The following TSHZ2 variants were observed in gnomAD, a reference collection of about 807,000 sequenced individuals.
TSHZ2 encodes the protein teashirt homolog 2.
TSHZ2 carries 21 observed loss-of-function variants against 74.4 expected under a neutral mutation model. The observed-to-expected ratio is 0.28, with a 90% CI of 0.20 to 0.41. The LOEUF (loss-of-function observed/expected upper bound fraction) is 0.41, where lower values mean the gene tolerates loss of function less well. TSHZ2 is among the 10% of genes least tolerant of loss of function. The probability of loss-of-function intolerance (pLI) is 1.00; values close to 1 mark genes in which losing one functional copy is unlikely to be tolerated. For synonymous variants in TSHZ2, 540 were observed against 515.3 expected, an observed-to-expected ratio of 1.05 and a Z score of -0.65; for missense variants, 1,244 against 1,293.5, an observed-to-expected ratio of 0.96 and a Z score of 0.59.
intron 1 of TSHZ2, among the ~76,000 whole-genome samples, chr20:53,007,978 C>CAAGCCTATGTTTGTA (rs1162543750): frequency 9.9e-5 from 15 of 152,030 alleles, no homozygotes; most frequent in African/African-American, 3.6e-4. Flanking sequence ...TCTACCTTGT[C>CAAGCCTATGTTTGTA]AAGCCTATGT....
chr20:53,240,727 A>ATAGATAGATAGATAGG (rs942136701), intron 1 of TSHZ2, among the ~76,000 whole-genome samples: 6 of 141,352 alleles, frequency 4.2e-5, no homozygotes, highest in African/African-American at 1.6e-4. Context: ...TAGATGATAG[A>ATAGATAGATAGATAGG]TAGATAGATA....
chr20:53,413,495 T>C (rs1426293216), intron 2 of TSHZ2, among the ~76,000 whole-genome samples: 1 of 152,216 alleles, frequency 6.6e-6, no homozygotes, highest in Non-Finnish European at 1.5e-5. Context: ...AGTTGTGTGA[T>C]GTCGGGGAAG....
At chr20:53,084,690 C>G (rs1255432749) in intron 1 of TSHZ2, among the ~76,000 whole-genome samples, 6 of 24,790 alleles carry the variant, frequency 2.4e-4, no homozygotes, top group African/African-American at 7.8e-4. Flanking sequence ...TCCCTCCCTC[C>G]CTCTCTCCCT....
intron 1 of TSHZ2, among the ~76,000 whole-genome samples, chr20:53,111,912 G>C (rs1220090398): frequency 1.3e-5 from 2 of 152,120 alleles, no homozygotes; most frequent in African/African-American, 4.8e-5. Context: ...ACCTGGGTCA[G>C]GGATGGGCAA....
chr20:52,975,237 C>A (rs1230322295), intron 1 of TSHZ2, among the ~76,000 whole-genome samples: 1 of 152,066 alleles, frequency 6.6e-6, no homozygotes, highest in Non-Finnish European at 1.5e-5. Flanking sequence ...AGTGATACTG[C>A]CCTGAAAATT....
intron 1 of TSHZ2, among the ~76,000 whole-genome samples, chr20:53,145,956 G>A (rs2123427227): frequency 6.6e-6 from 1 of 152,226 alleles, no homozygotes; most frequent in South Asian, 2.1e-4. Context: ...TAAGAGTTGG[G>A]GAAAATCATG....
intron 2 of TSHZ2, among the ~76,000 whole-genome samples, chr20:53,461,081 TC>T (rs1985344357): frequency 6.6e-6 from 1 of 152,154 alleles, no homozygotes; most frequent in South Asian, 2.1e-4. Flanking sequence ...AGTTCGAGCT[TC>T]CCGGCTGCTT....
chr20:53,256,912 T>G lies in TSHZ2; in HGVS notation c.*8+341T>G, dbSNP rs1334840517. On this transcript the variant is annotated intron_variant, in intron 2 of 2. Transcript: ENST00000371497. This position sits in a 1 kb window ranked among gnomAD's most constrained non-coding sequence, Gnocchi z 4.3. ...GCTATCTTTCATTTTAATTATTAGA[T>G]ACTAACTTCTGTCACCATTCCATTT... 1.3e-5 allele frequency among the ~76,000 whole-genome samples: 2 copies of G among 152,216 alleles called. No individual in the cohort carries two copies. The highest frequency in any genetic ancestry group is 1.5e-5 in the Non-Finnish European group (1 of 68,046).
chr20:53,190,340 A>G (rs900975045), intron 1 of TSHZ2, among the ~76,000 whole-genome samples: 2 of 151,148 alleles, frequency 1.3e-5, no homozygotes, highest in Non-Finnish European at 2.9e-5. Context: ...TCCCACTTGA[A>G]CCACACAGCC....
intron 2 of TSHZ2, among the ~76,000 whole-genome samples, chr20:53,269,860 A>G (rs1452844665): frequency 6.6e-6 from 1 of 152,152 alleles, no homozygotes; most frequent in Non-Finnish European, 1.5e-5. Flanking sequence ...TTTATTGAGC[A>G]CTGTTTGAAT....
At chr20:53,269,173 G>A (rs1384533483) in intron 2 of TSHZ2, among the ~76,000 whole-genome samples, 2 of 151,968 alleles carry the variant, frequency 1.3e-5, no homozygotes, top group African/African-American at 4.8e-5. Context: ...CACAGCAAGT[G>A]CCTGAGGAAC....
intron 1 of TSHZ2, among the ~76,000 whole-genome samples, chr20:53,013,717 T>G (rs1272824546): frequency 1.3e-5 from 2 of 152,178 alleles, no homozygotes; most frequent in Non-Finnish European, 2.9e-5. Flanking sequence ...ATGTGATAAC[T>G]TATAGTAAGT....
At chr20:53,483,026 C>CTTTT (rs1986199133) in intron 2 of TSHZ2, among the ~76,000 whole-genome samples, 3 of 152,318 alleles carry the variant, frequency 2.0e-5, no homozygotes, top group African/African-American at 7.2e-5. Flanking sequence ...CTGACCTTAC[C>CTTTT]AAAAGCCCAC....
intron 2 of TSHZ2, among the ~76,000 whole-genome samples, chr20:53,432,188 T>A (rs1167425814): frequency 6.6e-6 from 1 of 152,204 alleles, no homozygotes; most frequent in Non-Finnish European, 1.5e-5. Flanking sequence ...CACTCACCCA[T>A]AACTTAGCTC....
At chr20:53,258,779 C>A (rs1354254833) in intron 2 of TSHZ2, among the ~76,000 whole-genome samples, 1 of 152,112 alleles carries the variant, frequency 6.6e-6, no homozygotes, top group East Asian at 1.9e-4. Context: ...TCGAAAGCAC[C>A]GTATTGGTGT....
At chr20:53,107,942 A>C (rs1249772432) in intron 1 of TSHZ2, among the ~76,000 whole-genome samples, 1 of 152,260 alleles carries the variant, frequency 6.6e-6, no homozygotes, top group Non-Finnish European at 1.5e-5. Flanking sequence ...CAGGTCCTGC[A>C]CTTCTTACCA....
intron 2 of TSHZ2, among the ~76,000 whole-genome samples, chr20:53,388,599 T>C (rs1208806111): frequency 1.3e-5 from 2 of 151,548 alleles, no homozygotes; most frequent in African/African-American, 4.8e-5. Context: ...CTTTCTTTTT[T>C]TTTTTTTTTC....
At chr20:53,087,005 T>G (rs1349964128) in intron 1 of TSHZ2, among the ~76,000 whole-genome samples, 2 of 152,016 alleles carry the variant, frequency 1.3e-5, no homozygotes, top group Non-Finnish European at 1.5e-5. Flanking sequence ...TCATGCTAGA[T>G]AGGATGGCCA....
chr20:53,269,421 C>A (rs1990785108), intron 2 of TSHZ2, among the ~76,000 whole-genome samples: 1 of 152,140 alleles, frequency 6.6e-6, no homozygotes, highest in African/African-American at 2.4e-5. Context: ...GCATTTCCTT[C>A]CCTCCAACTT....
Sources: allele counts gnomAD v4.1 joint callset (sites outside exome capture counted in the v4.1 genomes callset), GRCh38; gene constraint gnomAD v4.1.1; non-coding constraint Gnocchi (gnomAD v3.1); transcripts MANE v1.5; gene names NCBI Gene and HGNC (gene_info 2026-07-23, HGNC 2026-07-21).